TTC39B: variants seen among roughly 807,000 people sequenced by gnomAD.
TTC39B encodes the protein tetratricopeptide repeat protein 39B.
Under a neutral mutation model 96.6 loss-of-function variants are expected in TTC39B, and 92 were observed. The observed-to-expected ratio is 0.95, with a 90% CI of 0.80 to 1.13. TTC39B has a LOEUF of 1.13. Ranked by LOEUF, TTC39B falls within the 50% of genes most tolerant of loss-of-function variation. TTC39B has a pLI of 0.00. For missense variants in TTC39B, 955 were observed against 809.3 expected (o/e 1.18, Z -2.18); for synonymous variants, 367 against 299.4 (o/e 1.23, Z -2.33).
chr9:15,239,773 G>A (rs1040659504), intron 2 of TTC39B, among the ~76,000 whole-genome samples: 4 of 152,218 alleles, frequency 2.6e-5, no homozygotes, highest in African/African-American at 7.2e-5. Context: ...GAGGGAGGAT[G>A]GAGGTGAAGG....
chr9:15,203,045 G>A (rs1185738332), intron 7 of TTC39B, among the ~76,000 whole-genome samples: 1 of 151,836 alleles, frequency 6.6e-6, no homozygotes, highest in African/African-American at 2.4e-5. Flanking sequence ...AGAAAGAAGG[G>A]GAAAAATAAA....
chr9:15,247,073 T>C (rs999588354), intron 2 of TTC39B, among the ~76,000 whole-genome samples: 1 of 152,184 alleles, frequency 6.6e-6, no homozygotes, highest in African/African-American at 2.4e-5. Context: ...GTTTTGGTTG[T>C]AACCATCTAG....
At chr9:15,199,985 C>G in intron 7 of TTC39B, 60 bp from the exon 8 acceptor site, 1 of 957,870 alleles carries the variant, frequency 1.0e-6, no homozygotes, top group Non-Finnish European at 1.6e-6. Flanking sequence ...ATTGTCCCCA[C>G]AGTTGTGTGT....
chr9:15,274,449 T>C (rs1361854870), intron 1 of TTC39B, among the ~76,000 whole-genome samples: 3 of 152,252 alleles, frequency 2.0e-5, no homozygotes, highest in African/African-American at 7.2e-5. Flanking sequence ...TGTTCTTTGA[T>C]GGCAAATGTA....
chr9:15,241,854 T>C (rs1822056483), intron 2 of TTC39B, among the ~76,000 whole-genome samples: 1 of 151,424 alleles, frequency 6.6e-6, no homozygotes, highest in Admixed American at 6.6e-5. Context: ...GCAATTCTCC[T>C]GTCTCAGCCT....
intron 8 of TTC39B, among the ~76,000 whole-genome samples, chr9:15,196,898 T>C (rs1428087465): frequency 6.6e-6 from 1 of 152,112 alleles, no homozygotes. Context: ...TTGTAAAAAA[T>C]TGCCATAGCC....
At chr9:15,188,547 T>G (rs917099768) in intron 13 of TTC39B, among the ~76,000 whole-genome samples, 1 of 152,104 alleles carries the variant, frequency 6.6e-6, no homozygotes, top group East Asian at 1.9e-4. Flanking sequence ...AATAAAATTC[T>G]GTAAGAAAAA....
At chr9:15,185,560 C>G (rs1588858291) in intron 15 of TTC39B, 154 bp from the exon 16 acceptor site, 1 of 1,164,006 alleles carries the variant, frequency 8.6e-7, no homozygotes, top group East Asian at 2.7e-5. Context: ...AGGCCCTACT[C>G]TAGACCTACT....
At chr9:15,275,616 C>T (rs1823514519) in intron 1 of TTC39B, among the ~76,000 whole-genome samples, 1 of 152,092 alleles carries the variant, frequency 6.6e-6, no homozygotes, top group Non-Finnish European at 1.5e-5. Context: ...CATGATGAAA[C>T]CACCAGGTAA....
intron 4 of TTC39B, among the ~76,000 whole-genome samples, chr9:15,213,694 A>AG (rs1820336565): frequency 6.6e-6 from 1 of 152,194 alleles, no homozygotes; most frequent in South Asian, 2.1e-4. Flanking sequence ...ATTGAAATTA[A>AG]ATTGCTTGTT....
intron 1 of TTC39B, among the ~76,000 whole-genome samples, chr9:15,281,755 C>A (rs1823773522): frequency 6.6e-6 from 1 of 151,434 alleles, no homozygotes; most frequent in Admixed American, 6.6e-5. Flanking sequence ...AGGCTCACTG[C>A]AATCTCCGCC....
At chr9:15,297,787 C>T (rs954088050) in intron 1 of TTC39B, among the ~76,000 whole-genome samples, 1 of 152,104 alleles carries the variant, frequency 6.6e-6, no homozygotes, top group Non-Finnish European at 1.5e-5. Flanking sequence ...TGCTCCCCAC[C>T]ACTCCTCACT....
chr9:15,285,205 T>C (rs7035544), intron 1 of TTC39B, among the ~76,000 whole-genome samples: 89,905 of 150,556 alleles, frequency 0.6, 26,920 homozygotes, highest in East Asian at 0.76. Context: ...GGAGGCGGAG[T>C]TTGCAGTGAG....
At chr9:15,268,929 A>G (rs920960289) in intron 1 of TTC39B, among the ~76,000 whole-genome samples, 2 of 151,980 alleles carry the variant, frequency 1.3e-5, no homozygotes, top group African/African-American at 4.8e-5. Context: ...CATTCTCCCT[A>G]TCTACAGAGC....
At chr9:15,256,356 T>G (rs557348335) in intron 2 of TTC39B, among the ~76,000 whole-genome samples, 1 of 152,304 alleles carries the variant, frequency 6.6e-6, no homozygotes, top group African/African-American at 2.4e-5. Flanking sequence ...TTCCATTGTT[T>G]ATAAATTACC....
intron 7 of TTC39B, among the ~76,000 whole-genome samples, chr9:15,203,451 G>C (rs1213439245): frequency 6.6e-6 from 1 of 150,528 alleles, no homozygotes; most frequent in East Asian, 2.0e-4. Context: ...AGTAGAGACA[G>C]GGTTTCACCA....
rs1387664027 is a variant in TTC39B at position 15,166,982 on chromosome 9, T to TTTTTTTTTTATA, written c.*5036_*5037insTATAAAAAAAAA. 3.1e-3 allele frequency: 62 copies of TTTTTTTTTTATA among 20,274 alleles called. 1 individual carries two copies. The highest frequency in any genetic ancestry group is 4.2e-3 in the Admixed American group (5 of 1,184). The allele number at this position is 20,274 out of a possible 1,614,324, so 1.3% of individuals were successfully genotyped here. On this transcript the variant is annotated 3_prime_UTR_variant, in exon 20 of 20. Coordinates refer to ENST00000512701, the Ensembl canonical transcript of TTC39B. ...TAACATGTGTCCACAAACCTTTATT[T>TTTTTTTTTTATA]TATATATATATATATATATATATAT... is the stretch of plus-strand genomic sequence containing the variant.
At chr9:15,187,693 C>T (rs1818608812) in intron 14 of TTC39B, among the ~76,000 whole-genome samples, 1 of 152,246 alleles carries the variant, frequency 6.6e-6, no homozygotes, top group Non-Finnish European at 1.5e-5. Flanking sequence ...CTCCTGACCT[C>T]AAGCCATCTT....
intron 1 of TTC39B, among the ~76,000 whole-genome samples, chr9:15,269,407 G>T (rs772379643): frequency 6.6e-6 from 1 of 152,160 alleles, no homozygotes; most frequent in African/African-American, 2.4e-5. Context: ...ACCGCCAAGG[G>T]ACTTACCGTA....
Sources: allele counts gnomAD v4.1 joint callset (sites outside exome capture counted in the v4.1 genomes callset), GRCh38; gene constraint gnomAD v4.1.1; transcripts MANE v1.5; gene names NCBI Gene and HGNC (gene_info 2026-07-23, HGNC 2026-07-21).